Variants in DMD observed in about 807,000 individuals in gnomAD.
The protein encoded by DMD is dystrophin.
A neutral mutation model predicts 330.1 loss-of-function variants in DMD; 63 were observed. That is an observed-to-expected ratio of 0.19 (90% CI 0.16 to 0.24). The LOEUF (loss-of-function observed/expected upper bound fraction) is 0.24. DMD is among the 10% of genes least tolerant of loss of function. The pLI is 1.00. For missense variants in DMD, 3,344 were observed against 2,684.1 expected (o/e 1.25, Z -5.43); for synonymous variants, 1,223 against 959.8 (o/e 1.27, Z -5.07).
chrX:32,205,035 A>ACACC lies in DMD; in HGVS notation c.6438+11880_6438+11881insGGTG, dbSNP rs2097060655. Among the ~76,000 whole-genome samples the ACACC allele has an allele frequency of 1.0e-4, 9 of 86,463 alleles. No homozygotes were observed. In the South Asian group the frequency reaches 2.4e-3, roughly 23 times the overall value. 75.1% of individuals were successfully genotyped at this position (86,463 alleles called of 115,157 possible). ...TACACACACACACACACACACACAC[A>ACACC]CACACACCCACACACACACAGTCGC... is the stretch of plus-strand genomic sequence containing the variant. On this transcript the variant is annotated intron_variant, in intron 44 of 78. Transcript: ENST00000357033.
At chrX:32,057,804 A>G (rs996883529) in intron 44 of DMD, among the ~76,000 whole-genome samples, 1 of 111,512 alleles carries the variant, frequency 9.0e-6, no homozygotes, top group African/African-American at 3.3e-5. Context: ...GAAGAAGAAT[A>G]AACTGGAGGC....
chrX:31,741,192 C>G (rs2149073768), intron 51 of DMD, among the ~76,000 whole-genome samples: 1 of 111,887 alleles, frequency 8.9e-6, no homozygotes, highest in Non-Finnish European at 1.9e-5. Context: ...CTACTGAAGT[C>G]TTGGACCCTC....
chrX:32,052,891 C>G (rs1329477733), intron 44 of DMD, among the ~76,000 whole-genome samples: 1 of 110,809 alleles, frequency 9.0e-6, no homozygotes, highest in African/African-American at 3.3e-5. Flanking sequence ...ACAACTCCAC[C>G]AAAACATCAC....
At chrX:32,277,399 T>C (rs1053826243) in intron 43 of DMD, among the ~76,000 whole-genome samples, 1 of 109,453 alleles carries the variant, frequency 9.1e-6, no homozygotes, top group African/African-American at 3.3e-5. Context: ...ACTTTCAACA[T>C]TGGGCAGATC....
intron 45 of DMD, among the ~76,000 whole-genome samples, chrX:31,935,735 C>G (rs1004693645): frequency 2.7e-5 from 3 of 110,927 alleles, no homozygotes; most frequent in African/African-American, 9.9e-5. Context: ...TAAACATTTT[C>G]AACTTTCATC....
intron 52 of DMD, among the ~76,000 whole-genome samples, chrX:31,722,898 A>G (rs2085682641): frequency 9.1e-6 from 1 of 110,179 alleles, no homozygotes. Flanking sequence ...ATACAAAAAA[A>G]TTAGCTGGGC....
intron 43 of DMD, among the ~76,000 whole-genome samples, chrX:32,232,428 T>A (rs1158844920): frequency 9.0e-6 from 1 of 111,001 alleles, no homozygotes; most frequent in Non-Finnish European, 1.9e-5. Flanking sequence ...TCACCCCCAC[T>A]CCTACCCACT....
chrX:32,665,910 G>A (rs1020525439), intron 9 of DMD, among the ~76,000 whole-genome samples: 4 of 111,699 alleles, frequency 3.6e-5, no homozygotes, highest in Non-Finnish European at 7.5e-5. Context: ...CATTCTGGAT[G>A]CAGTGTGGAG....
At chrX:31,979,702 T>C (rs1373671131) in intron 44 of DMD, among the ~76,000 whole-genome samples, 1 of 112,079 alleles carries the variant, frequency 8.9e-6, no homozygotes, top group Non-Finnish European at 1.9e-5. Context: ...AGTGGTGGGG[T>C]TGCCAAGGAA....
intron 65 of DMD, among the ~76,000 whole-genome samples, chrX:31,207,786 T>C (rs1339704372): frequency 9.0e-6 from 1 of 111,288 alleles, no homozygotes; most frequent in Non-Finnish European, 1.9e-5. Context: ...AACCCATTTA[T>C]GCTGGAGGCT....
rs754662614 is a variant in DMD at position 32,530,065 on chromosome X, G to A, written c.2169-11934C>T. ...ATACTAAAAAATCAATTTCTGTGGC[G>A]TTTACCTTGTCCTAAAATATGCCTA... is the stretch of plus-strand genomic sequence containing the variant. On this transcript the variant is annotated intron_variant, in intron 17 of 78. Transcript: ENST00000357033. 1.7e-4 allele frequency among the ~76,000 whole-genome samples: 19 copies of A among 111,757 alleles called. 1 individual carries two copies. The highest frequency in any genetic ancestry group is 8.4e-3 in the Middle Eastern group (2 of 237).
intron 43 of DMD, among the ~76,000 whole-genome samples, chrX:32,258,310 C>T (rs1170716158): frequency 8.9e-6 from 1 of 111,906 alleles, no homozygotes; most frequent in Admixed American, 9.5e-5. Context: ...AATCCCATTA[C>T]TGCATATATA....
intron 44 of DMD, among the ~76,000 whole-genome samples, chrX:32,158,167 A>G (rs977112763): frequency 1.8e-5 from 2 of 111,320 alleles, no homozygotes; most frequent in Non-Finnish European, 3.8e-5. Flanking sequence ...TTCCACATCC[A>G]TAAGTGGAAT....
chrX:32,883,843 A>AG (rs1365159467), intron 2 of DMD, among the ~76,000 whole-genome samples: 14 of 104,915 alleles, frequency 1.3e-4, no homozygotes, highest in African/African-American at 3.5e-4. Context: ...AAAAAAAAAA[A>AG]AAAAAAAAGA....
At chrX:31,718,615 C>T (rs1312078360) in intron 52 of DMD, among the ~76,000 whole-genome samples, 3 of 110,584 alleles carry the variant, frequency 2.7e-5, no homozygotes, top group Non-Finnish European at 3.8e-5. Context: ...TAGAGTACCT[C>T]TCTGCACCAC....
At chrX:32,547,244 TA>T (rs2049061385) in intron 16 of DMD, among the ~76,000 whole-genome samples, 1 of 111,408 alleles carries the variant, frequency 9.0e-6, no homozygotes, top group South Asian at 3.7e-4. Flanking sequence ...TTTGTGCTAC[TA>T]AAAATTTGAC....
At chrX:32,990,187 CAT>C (rs1297663870) in intron 2 of DMD, among the ~76,000 whole-genome samples, 3 of 111,716 alleles carry the variant, frequency 2.7e-5, no homozygotes, top group Non-Finnish European at 3.8e-5. Flanking sequence ...TTGCCTATAA[CAT>C]AAACTTAAGA....
At chrX:32,161,606 C>T (rs762019343) in intron 44 of DMD, among the ~76,000 whole-genome samples, 1 of 112,001 alleles carries the variant, frequency 8.9e-6, no homozygotes, top group East Asian at 2.8e-4. Flanking sequence ...TCCCCACTCC[C>T]TTCTGGGTTA....
chrX:32,400,419 C>T (rs889885265), intron 30 of DMD, among the ~76,000 whole-genome samples: 11 of 111,226 alleles, frequency 9.9e-5, no homozygotes, highest in African/African-American at 3.6e-4. Flanking sequence ...CTAAAATTCT[C>T]TTTTTTGGTT....
Sources: gnomAD v4.1 joint callset for allele counts (sites outside exome capture counted in the v4.1 genomes callset) on GRCh38, gnomAD v4.1.1 for gene constraint, MANE v1.5 for transcripts, NCBI Gene and HGNC (gene_info 2026-07-23, HGNC 2026-07-21) for gene names.